CFAP77: variants seen among roughly 807,000 people sequenced by gnomAD.
CFAP77 encodes cilia and flagella associated protein 77.
A neutral mutation model predicts 31.1 loss-of-function variants in CFAP77; 25 were observed. That is an observed-to-expected ratio of 0.80 (90% confidence interval 0.59 to 1.12). The LOEUF is 1.12. Ranked by LOEUF, CFAP77 falls within the 50% of genes most tolerant of loss-of-function variation. CFAP77 has a pLI of 0.00. For synonymous variants in CFAP77, 151 were observed against 159.9 expected (o/e 0.94, Z 0.42); for missense variants, 377 against 397.3 (o/e 0.95, Z 0.44).
Position 132,499,246 on chromosome 9 carries a change from C to T in CFAP77, c.296-126C>T. ...CTTTCTGGGGGCCAGGCAGGGTTGTCACCCAGTAGGCTCAGGTAAATGGGA... is the reference window on the plus strand; with the variant it reads ...CTTTCTGGGGGCCAGGCAGGGTTGTTACCCAGTAGGCTCAGGTAAATGGGA... On this transcript the variant is annotated intron_variant, in intron 2 of 5. Transcript: ENST00000393216. This position sits in a 1 kb window ranked among gnomAD's most constrained non-coding sequence, Gnocchi z 5.4. 3.8e-6 allele frequency: 3 copies of T among 799,992 alleles called. No homozygotes were observed. The highest frequency in any genetic ancestry group is 1.7e-5 in the South Asian group (1 of 57,302). The allele number at this position is 799,992 out of a possible 1,614,324, so 49.6% of individuals were successfully genotyped here. A position where few individuals can be genotyped will look rare whatever the true frequency, so the allele number is the denominator to read the frequency against.
At chr9:132,477,365 C>T (rs889675502) in intron 1 of CFAP77, among the ~76,000 whole-genome samples, 1 of 142,002 alleles carries the variant, frequency 7.0e-6, no homozygotes, top group African/African-American at 2.7e-5. Flanking sequence ...GGAGACAGCG[C>T]AGTGAGCAAA....
intron 1 of CFAP77, among the ~76,000 whole-genome samples, chr9:132,440,913 C>T (rs1850604614): frequency 6.6e-6 from 1 of 152,180 alleles, no homozygotes. Context: ...CTTCAGTAAA[C>T]ACCTCCCACA....
At chr9:132,412,238 C>T (rs1210084734) in intron 1 of CFAP77, among the ~76,000 whole-genome samples, 3 of 152,164 alleles carry the variant, frequency 2.0e-5, no homozygotes, top group Non-Finnish European at 4.4e-5. Flanking sequence ...CTGCCCTGGC[C>T]CCTGGTGACC....
In CFAP77 at chr9:132,499,731, T is replaced by C; in HGVS notation, c.524+131T>C. The C allele has an allele frequency of 1.2e-6, 1 of 810,290 alleles. No individual in the cohort carries two copies. The highest frequency in any genetic ancestry group is 2.2e-5 in the Admixed American group (1 of 45,168). The allele number at this position is 810,290 out of a possible 1,614,324, so 50.2% of individuals were successfully genotyped here. On this transcript the variant is annotated intron_variant, in intron 3 of 5. Coordinates refer to ENST00000393216, the MANE Select transcript of CFAP77 (RefSeq NM_001282957.2). This position sits in a 1 kb window ranked among gnomAD's most constrained non-coding sequence, Gnocchi z 5.4. ...CCCACTGTCCTCTCTTCAATGACTC[T>C]CTCTTGTGTGACCTCTATAGCCACA...
chr9:132,486,883 C>G (rs1028939263), intron 1 of CFAP77, among the ~76,000 whole-genome samples: 7 of 152,242 alleles, frequency 4.6e-5, no homozygotes, highest in African/African-American at 1.7e-4. Flanking sequence ...TCACCGTGAC[C>G]GCCTCACACG....
intron 1 of CFAP77, among the ~76,000 whole-genome samples, chr9:132,450,219 C>T (rs770638326): frequency 1.3e-5 from 2 of 151,544 alleles, no homozygotes; most frequent in Non-Finnish European, 2.9e-5. Context: ...TGTGAGCCAC[C>T]ACGCCCGGCC....
chr9:132,483,474 G>A (rs933896979), intron 1 of CFAP77, among the ~76,000 whole-genome samples: 9 of 152,064 alleles, frequency 5.9e-5, no homozygotes, highest in Non-Finnish European at 1.3e-4. Flanking sequence ...ATCTTCTCCC[G>A]TGTCCTCGGT....
At chr9:132,416,762 C>T (rs1365689272) in intron 1 of CFAP77, among the ~76,000 whole-genome samples, 2 of 151,700 alleles carry the variant, frequency 1.3e-5, no homozygotes, top group Non-Finnish European at 2.9e-5. Context: ...CTCAGCCACC[C>T]GAGTAGCTGG....
chr9:132,532,986 C>G (rs1852482501), intron 3 of CFAP77, among the ~76,000 whole-genome samples: 1 of 152,182 alleles, frequency 6.6e-6, no homozygotes. Flanking sequence ...GGATTCTCTC[C>G]CTAGATGAAA....
intron 1 of CFAP77, among the ~76,000 whole-genome samples, chr9:132,493,653 C>T (rs1851687320): frequency 6.6e-6 from 1 of 152,166 alleles, no homozygotes; most frequent in African/African-American, 2.4e-5. Context: ...GGTCACTGCC[C>T]CCACCCAGGG....
rs35737685 is a variant in CFAP77 at position 132,559,346 on chromosome 9, C to CAAAAAAAAAAAAAAAAAA, written c.733-13039_733-13022dup. 8.6e-3 allele frequency among the ~76,000 whole-genome samples: 484 copies of CAAAAAAAAAAAAAAAAAA among 56,064 alleles called. 41 individuals carry two copies. The highest frequency in any genetic ancestry group is 9.6e-3 in the Non-Finnish European group (298 of 31,098). 36.8% of individuals were successfully genotyped at this position (56,064 alleles called of 152,430 possible). On this transcript the variant is annotated intron_variant, in intron 5 of 5. Transcript: ENST00000393216. ...CGCGTCAGAGTGAGACTCTGTCTTG[C>CAAAAAAAAAAAAAAAAAA]AAAAAAAAAAAAAAAAAAAAGGCAA...
At chr9:132,546,258 G>A (rs1296407833) in intron 5 of CFAP77, among the ~76,000 whole-genome samples, 4 of 152,194 alleles carry the variant, frequency 2.6e-5, no homozygotes, top group African/African-American at 7.2e-5. Context: ...TGGACTCAGG[G>A]GTCCGGGCGG....
chr9:132,471,411 G>A (rs1223590424), intron 1 of CFAP77, among the ~76,000 whole-genome samples: 2 of 152,098 alleles, frequency 1.3e-5, no homozygotes, highest in Non-Finnish European at 2.9e-5. Context: ...GAGAGAACTG[G>A]GGTCCATCCA....
chr9:132,473,881 C>G (rs796928293), intron 1 of CFAP77, among the ~76,000 whole-genome samples: 3 of 152,282 alleles, frequency 2.0e-5, no homozygotes, highest in African/African-American at 7.2e-5. Context: ...CAGAGTTTCA[C>G]CATGTTGGCC....
At chr9:132,428,977 A>C (rs1339596734) in intron 1 of CFAP77, among the ~76,000 whole-genome samples, 1 of 152,128 alleles carries the variant, frequency 6.6e-6, no homozygotes, top group African/African-American at 2.4e-5. Flanking sequence ...AAGAATAACA[A>C]GGTAATCACT....
chr9:132,571,875 T>C (rs1246793265), intron 5 of CFAP77, among the ~76,000 whole-genome samples: 5 of 127,628 alleles, frequency 3.9e-5, no homozygotes, highest in African/African-American at 1.5e-4. Flanking sequence ...TGAATCTGTC[T>C]CCCTTGCATT....
chr9:132,553,220 C>T (rs564171867), intron 5 of CFAP77, among the ~76,000 whole-genome samples: 2 of 152,278 alleles, frequency 1.3e-5, no homozygotes, highest in South Asian at 4.2e-4. Context: ...ATCATGGGGG[C>T]CCCACCCTCA....
chr9:132,439,615 G>C (rs896181301), intron 1 of CFAP77, among the ~76,000 whole-genome samples: 1 of 152,122 alleles, frequency 6.6e-6, no homozygotes, highest in African/African-American at 2.4e-5. Flanking sequence ...GGGAGGCCAA[G>C]GCGGGCAGAT....
At chr9:132,413,928 G>A (rs1194529211) in intron 1 of CFAP77, among the ~76,000 whole-genome samples, 1 of 152,158 alleles carries the variant, frequency 6.6e-6, no homozygotes, top group Non-Finnish European at 1.5e-5. Context: ...GAGCAGACAC[G>A]GCATTTGGGG....
Sources: gnomAD v4.1 joint callset for allele counts (sites outside exome capture counted in the v4.1 genomes callset) on GRCh38, gnomAD v4.1.1 for gene constraint, Gnocchi (gnomAD v3.1) non-coding constraint, MANE v1.5 for transcripts, NCBI Gene and HGNC (gene_info 2026-07-23, HGNC 2026-07-21) for gene names.